XCR1: variants seen among roughly 807,000 people sequenced by gnomAD.
The protein encoded by XCR1 is X-C motif chemokine receptor 1.
For synonymous variants in XCR1, 187 were observed against 188.5 expected (o/e 0.99, Z 0.06); for missense variants, 356 against 424.2 (o/e 0.84, Z 1.41).
intron 5 of XCR1, among the ~76,000 whole-genome samples, chr3:46,037,603 A>G (rs1247154724): frequency 6.6e-6 from 1 of 152,214 alleles, no homozygotes; most frequent in African/African-American, 2.4e-5. Flanking sequence ...CTGTGTTTCT[A>G]TCTTTATGCA....
At chr3:46,082,177 A>G (rs930623598) in intron 1 of XCR1, among the ~76,000 whole-genome samples, 1 of 152,162 alleles carries the variant, frequency 6.6e-6, no homozygotes, top group African/African-American at 2.4e-5. Flanking sequence ...ACCAGAATGG[A>G]AAGTAGCTGA....
rs926484621 is a variant in XCR1 at position 46,041,272 on chromosome 3, GGCCTT to G, written c.-32+12643_-32+12647del. Among the ~76,000 whole-genome samples, 5 of 152,092 alleles carry G rather than the reference GGCCTT, an allele frequency of 3.3e-5. No individual in the cohort carries two copies. In the South Asian group the frequency reaches 8.3e-4, roughly 25 times the overall value. ...ATTTTCTAAGGGCTTTGACTGAAAT[GGCCTT>G]GCGAGAGGTTCCAGCAAAGCCAATT... is the stretch of plus-strand genomic sequence containing the variant. On this transcript the variant is annotated intron_variant, in intron 5 of 5. Coordinates refer to the XCR1 transcript ENST00000683768.
intron 3 of XCR1, among the ~76,000 whole-genome samples, chr3:46,072,685 A>G (rs1429249793): frequency 6.6e-6 from 1 of 152,238 alleles, no homozygotes; most frequent in African/African-American, 2.4e-5. Context: ...CAAAATGACC[A>G]TACTGCCCAC....
rs747519946 is a variant in XCR1, at chr3:46,020,991, G to A, written c.957C>T (p.Pro319=). 2 of 1,612,840 alleles carry A rather than the reference G, an allele frequency of 1.2e-6. No homozygotes were observed. Among genetic ancestry groups the A allele is most frequent in the African/African-American group, 2.7e-5 (2 of 75,016 alleles). The change falls in exon 2 of 2, where the codon CCC becomes CCT. Residue 319 remains proline (P), a synonymous_variant. Coordinates refer to ENST00000309285, the MANE Select transcript of XCR1 (RefSeq NM_001024644.2). ...RLQAPSPASI[P]HSPGAFAYEG... is the part of the protein sequence containing the mutation. Reference sequence around the variant, plus strand: ...CATAGGCGAAGGCACCAGGGGAGTGGGGGATCGAGGCTGGGCTGGGTGCCT... The same window carrying A: ...CATAGGCGAAGGCACCAGGGGAGTGAGGGATCGAGGCTGGGCTGGGTGCCT...
At chr3:46,038,518 G>C (rs1299543395) in intron 5 of XCR1, among the ~76,000 whole-genome samples, 2 of 151,950 alleles carry the variant, frequency 1.3e-5, no homozygotes, top group African/African-American at 2.4e-5. Flanking sequence ...GCTTTTATTT[G>C]GTTCTTTGAA....
rs1471172194 is a variant in XCR1 at position 46,021,399 on chromosome 3, G to A, written c.549C>T (p.Tyr183=). The change falls in exon 2 of 2, where the codon TAC becomes TAT. Residue 183 remains tyrosine, a synonymous_variant. Coordinates refer to ENST00000309285, the MANE Select transcript of XCR1 (RefSeq NM_001024644.2). This position sits in a 1 kb window ranked among gnomAD's most constrained non-coding sequence, Gnocchi z 4.7. ...SGCDYSELTW[Y]LTSVYQHNLF... ...GGTTGTGCTGGTAGACGGAGGTGAGGTACCACGTGAGTTCGGAATAATCAC... is the reference window on the plus strand; with the variant it reads ...GGTTGTGCTGGTAGACGGAGGTGAGATACCACGTGAGTTCGGAATAATCAC... The A allele has an allele frequency of 6.2e-7, 1 of 1,614,186 alleles. No individual in the cohort carries two copies. The highest frequency in any genetic ancestry group is 8.5e-7 in the Non-Finnish European group (1 of 1,180,034).
chr3:46,081,226 G>T (rs1042614613), intron 1 of XCR1, among the ~76,000 whole-genome samples: 2 of 152,130 alleles, frequency 1.3e-5, no homozygotes, highest in African/African-American at 4.8e-5. Flanking sequence ...CCTCTGGACT[G>T]GTGAAACACA....
At chr3:46,028,547 A>G (rs1013785070), upstream of XCR1, among the ~76,000 whole-genome samples, 1 of 150,224 alleles carries the variant, frequency 6.7e-6, no homozygotes, top group Admixed American at 6.7e-5. Flanking sequence ...TTAATTCTTC[A>G]TAATACCCTT....
At chr3:46,072,967 C>T (rs1265744128) in intron 3 of XCR1, among the ~76,000 whole-genome samples, 2 of 152,054 alleles carry the variant, frequency 1.3e-5, no homozygotes, top group Non-Finnish European at 2.9e-5. Context: ...AATAAAACCA[C>T]ATATTTAGAG....
intron 1 of XCR1, 43 bp downstream of exon 1, chr3:46,027,374 T>C (rs1224239058): frequency 1.3e-5 from 2 of 152,022 alleles, no homozygotes; most frequent in Admixed American, 6.5e-5. Context: ...GCTGTTACAA[T>C]TAGAGGAAAA....
At chr3:46,059,272 T>C (rs576445195) in intron 4 of XCR1, among the ~76,000 whole-genome samples, 2 of 152,336 alleles carry the variant, frequency 1.3e-5, no homozygotes, top group South Asian at 2.1e-4. Context: ...AGTTTGCTTA[T>C]AGTTGGTTGT....
intron 2 of XCR1, among the ~76,000 whole-genome samples, chr3:46,075,035 T>A (rs551548318): frequency 6.6e-6 from 1 of 152,246 alleles, no homozygotes; most frequent in East Asian, 1.9e-4. Context: ...CTGGAAACTA[T>A]TTCAAATATT....
In XCR1 at chr3:46,020,745, C is replaced by T; in HGVS notation, c.*201G>A. ...TTTTTTTGGATGGCAGTATAAAATT[C>T]CCAGGTAGGAAGCCACTTTCCCGCA... On this transcript the variant is annotated 3_prime_UTR_variant, in exon 2 of 2. Transcript: ENST00000309285. 2 of 676,226 alleles carry T rather than the reference C, an allele frequency of 3.0e-6. No individual in the cohort carries two copies. Among genetic ancestry groups the T allele is most frequent in the Non-Finnish European group, 4.8e-6 (2 of 418,406 alleles). 41.9% of individuals were successfully genotyped at this position (676,226 alleles called of 1,614,324 possible).
intron 2 of XCR1, among the ~76,000 whole-genome samples, chr3:46,075,421 G>C (rs1698242344): frequency 6.6e-6 from 1 of 151,536 alleles, no homozygotes; most frequent in African/African-American, 2.4e-5. Context: ...AAATGTAATG[G>C]ATAAACTATA....
At chr3:46,083,803 A>G (rs1559498377) in intron 1 of XCR1, among the ~76,000 whole-genome samples, 1 of 152,218 alleles carries the variant, frequency 6.6e-6, no homozygotes, top group Non-Finnish European at 1.5e-5. Context: ...AGTATTTCCC[A>G]TGAAGTAGAA....
chr3:46,066,526 G>A (rs1007004091), intron 4 of XCR1, among the ~76,000 whole-genome samples: 3 of 152,124 alleles, frequency 2.0e-5, no homozygotes, highest in South Asian at 2.1e-4. Context: ...TATAGGCGTC[G>A]GCCATCCCGC....
intron 4 of XCR1, among the ~76,000 whole-genome samples, chr3:46,060,607 A>C (rs7616464): frequency 0.33 from 49,544 of 151,976 alleles, 9,979 homozygotes; most frequent in East Asian, 0.66. Context: ...CTCCCTTTGT[A>C]ACTAAGACCT....
At chr3:46,041,695 GA>G (rs1169391165) in intron 5 of XCR1, among the ~76,000 whole-genome samples, 2 of 152,180 alleles carry the variant, frequency 1.3e-5, no homozygotes, top group African/African-American at 4.8e-5. Flanking sequence ...CTTAAAGCTT[GA>G]AACTTACATT....
chr3:46,030,267 T>G (rs945941487), upstream of XCR1, among the ~76,000 whole-genome samples: 1 of 152,188 alleles, frequency 6.6e-6, no homozygotes, highest in Non-Finnish European at 1.5e-5. Flanking sequence ...AAGCTTCTAG[T>G]CTTTCACTAC....
Sources: allele counts gnomAD v4.1 joint callset (sites outside exome capture counted in the v4.1 genomes callset), GRCh38; gene constraint gnomAD v4.1.1; non-coding constraint Gnocchi (gnomAD v3.1); transcripts MANE v1.5; gene names NCBI Gene and HGNC (gene_info 2026-07-23, HGNC 2026-07-21).